The following DCAF6 variants were observed in gnomAD, a reference collection of about 807,000 sequenced individuals.
DCAF6 encodes DDB1- and CUL4-associated factor 6.
Under a neutral mutation model 125.1 loss-of-function variants are expected in DCAF6, and 54 were observed. The ratio of observed to expected loss-of-function variants is 0.43; its 90% CI spans 0.35 to 0.54. The LOEUF is 0.54. Among genes scored for constraint, DCAF6 ranks in the 20% least tolerant of loss-of-function variants. The pLI is 0.01. For missense variants in DCAF6, 934 were observed against 1,161.7 expected, an observed-to-expected ratio of 0.80 and a Z score of 2.85; for synonymous variants, 371 against 390.4, an observed-to-expected ratio of 0.95 and a Z score of 0.58.
At chr1:168,041,776 A>G (rs541827480) in intron 13 of DCAF6, among the ~76,000 whole-genome samples, 14 of 152,044 alleles carry the variant, frequency 9.2e-5, no homozygotes, top group Middle Eastern at 3.4e-3. Context: ...CGTTTTATTC[A>G]TGCCTGAATC....
chr1:168,050,273 C>T (rs545750607), intron 16 of DCAF6, among the ~76,000 whole-genome samples: 1 of 152,172 alleles, frequency 6.6e-6, no homozygotes, highest in Admixed American at 6.5e-5. Flanking sequence ...GGAGCATAGC[C>T]CTCACTTTTA....
chr1:167,980,685 A>G (rs1181384334), intron 4 of DCAF6, among the ~76,000 whole-genome samples: 1 of 151,884 alleles, frequency 6.6e-6, no homozygotes, highest in Non-Finnish European at 1.5e-5. Context: ...TTCTTTATAT[A>G]TTCCGAATAT....
At chr1:168,023,291 A>G (rs1571982762) in intron 12 of DCAF6, 5 of 555,686 alleles carry the variant, frequency 9.0e-6, no homozygotes, top group East Asian at 2.8e-5. Context: ...CTCTCTCCCT[A>G]TAACAAAATT....
the DCAF6 span, among the ~76,000 whole-genome samples, chr1:167,891,313 T>C: frequency 6.6e-6 from 1 of 151,982 alleles, no homozygotes; most frequent in Admixed American, 6.6e-5. Flanking sequence ...GGTGGTATAT[T>C]TCATTTAGTT....
At chr1:167,941,100 G>A (rs955136324) in intron 1 of DCAF6, among the ~76,000 whole-genome samples, 1 of 151,994 alleles carries the variant, frequency 6.6e-6, no homozygotes, top group Non-Finnish European at 1.5e-5. Context: ...ATGAAGATTA[G>A]TAACTTCTGA....
At chr1:168,044,378 G>A (rs985372313) in intron 14 of DCAF6, among the ~76,000 whole-genome samples, 6 of 152,066 alleles carry the variant, frequency 3.9e-5, no homozygotes, top group African/African-American at 7.2e-5. Flanking sequence ...CGTAGCAACC[G>A]CTTACATAGC....
At chr1:167,989,002 C>G (rs1206610716) in intron 5 of DCAF6, among the ~76,000 whole-genome samples, 1 of 152,010 alleles carries the variant, frequency 6.6e-6, no homozygotes, top group African/African-American at 2.4e-5. Flanking sequence ...ATTGCTTGAT[C>G]CTGGGAGGCG....
At chr1:168,070,257 G>T (rs1692856457) in intron 21 of DCAF6, among the ~76,000 whole-genome samples, 1 of 151,700 alleles carries the variant, frequency 6.6e-6, no homozygotes, top group Non-Finnish European at 1.5e-5. Flanking sequence ...ATAGAATAAA[G>T]TGCCCAAGAG....
chr1:167,939,941 T>C (rs909121215), intron 1 of DCAF6, among the ~76,000 whole-genome samples: 1 of 152,186 alleles, frequency 6.6e-6, no homozygotes, highest in Non-Finnish European at 1.5e-5. Flanking sequence ...TCTGATACAT[T>C]TTCATTATTT....
chr1:167,909,556 AT>A, the DCAF6 span, among the ~76,000 whole-genome samples: 20,357 of 151,376 alleles, frequency 0.13, 1,784 homozygotes, highest in African/African-American at 0.25. Flanking sequence ...TTTTTTTGTG[AT>A]TTTTTTTTCT....
At chr1:167,945,459 GTGTGTGTGTA>G (rs1228510477) in intron 1 of DCAF6, among the ~76,000 whole-genome samples, 2 of 152,004 alleles carry the variant, frequency 1.3e-5, no homozygotes, top group African/African-American at 4.8e-5. Context: ...CCTAGTTTGT[GTGTGTGTGTA>G]TGTGTGTGTT....
At chr1:167,975,198 T>A (rs1455096927) in intron 4 of DCAF6, among the ~76,000 whole-genome samples, 183 bp downstream of exon 4, 2 of 152,196 alleles carry the variant, frequency 1.3e-5, no homozygotes, top group Non-Finnish European at 2.9e-5. Flanking sequence ...CTTGATAGGC[T>A]TCTGGATAAA....
the DCAF6 span, chr1:167,893,781 C>G: frequency 2.3e-4 from 147 of 638,630 alleles, no homozygotes; most frequent in East Asian, 1.1e-3. Flanking sequence ...TTTTTTTTTT[C>G]TTAAATCTTA....
At chr1:167,881,058 A>G in the DCAF6 span, among the ~76,000 whole-genome samples, 1 of 152,234 alleles carries the variant, frequency 6.6e-6, no homozygotes, top group Non-Finnish European at 1.5e-5. Flanking sequence ...CTCTCTGAAA[A>G]TGGATATACT....
rs1318710184 is a variant in DCAF6, at chr1:167,936,759, G to A, written c.-153G>A. Reference sequence around the variant, plus strand: ...GTGCGGCCGGGCTTCAGGGGCCCAGGCGCCGCTGCTGCCACCGCCATCTAA... The same window carrying A: ...GTGCGGCCGGGCTTCAGGGGCCCAGACGCCGCTGCTGCCACCGCCATCTAA... On this transcript the variant is annotated 5_prime_UTR_variant, in exon 1 of 22. Transcript: ENST00000367840. 7 of 653,024 alleles carry A rather than the reference G, an allele frequency of 1.1e-5. No individual in the cohort carries two copies. In the African/African-American group the frequency reaches 1.1e-4, roughly 11 times the overall value. 40.5% of individuals were successfully genotyped at this position (653,024 alleles called of 1,614,324 possible).
At chr1:167,991,459 A>C in intron 6 of DCAF6, 120 bp downstream of exon 6, 1 of 934,098 alleles carries the variant, frequency 1.1e-6, no homozygotes, top group South Asian at 2.4e-5. Context: ...TATTTGTTTA[A>C]TATGGATTAT....
At chr1:167,866,819 G>C in the DCAF6 span, among the ~76,000 whole-genome samples, 4 of 150,960 alleles carry the variant, frequency 2.6e-5, no homozygotes, top group Non-Finnish European at 5.9e-5. Flanking sequence ...AACCCAGACT[G>C]TAGGGCTCTG....
the DCAF6 span, among the ~76,000 whole-genome samples, chr1:167,912,535 T>A: frequency 4.6e-5 from 7 of 152,352 alleles, no homozygotes; most frequent in Admixed American, 6.5e-5. Flanking sequence ...ACCAATCCCC[T>A]GAACCCTATG....
the DCAF6 span, among the ~76,000 whole-genome samples, chr1:167,916,350 GC>G: frequency 6.6e-6 from 1 of 152,150 alleles, no homozygotes; most frequent in Non-Finnish European, 1.5e-5. Flanking sequence ...GGGATTACAG[GC>G]GTGCGCCACC....
Sources: gnomAD v4.1 joint callset for allele counts (sites outside exome capture counted in the v4.1 genomes callset) on GRCh38, gnomAD v4.1.1 for gene constraint, MANE v1.5 for transcripts, NCBI Gene and HGNC (gene_info 2026-07-23, HGNC 2026-07-21) for gene names.